Variants in DOK6 observed in about 807,000 individuals in gnomAD.
The protein encoded by DOK6 is downstream of tyrosine kinase 6.
Under a neutral mutation model 44.0 loss-of-function variants are expected in DOK6, and 22 were observed. The ratio of observed to expected loss-of-function variants is 0.50; its 90% confidence interval spans 0.36 to 0.71. The LOEUF (loss-of-function observed/expected upper bound fraction) is 0.71. Among genes scored for constraint, DOK6 ranks in the 30% least tolerant of loss-of-function variants. The pLI is 0.00. For synonymous variants in DOK6, 166 were observed against 145.5 expected (o/e 1.14, Z -1.01); for missense variants, 340 against 416.4 (o/e 0.82, Z 1.60).
intron 1 of DOK6, among the ~76,000 whole-genome samples, chr18:69,445,056 G>A (rs1658173428): frequency 6.6e-6 from 1 of 151,916 alleles, no homozygotes; most frequent in Admixed American, 6.6e-5. Context: ...CATATTCTTG[G>A]TTAAATGTAT....
chr18:69,673,156 A>C (rs1985845174), intron 3 of DOK6, among the ~76,000 whole-genome samples: 1 of 152,134 alleles, frequency 6.6e-6, no homozygotes, highest in Admixed American at 6.5e-5. Context: ...CTTCTAATAA[A>C]ATAACATGAA....
intron 3 of DOK6, among the ~76,000 whole-genome samples, chr18:69,647,246 ATTTT>A: frequency 6.7e-6 from 1 of 149,906 alleles, no homozygotes; most frequent in African/African-American, 2.4e-5. Context: ...TTCTAGTTTC[ATTTT>A]TTTTTCTTAT....
In DOK6 at chr18:69,459,666, C is replaced by G. The variant is rs1263722584; in HGVS notation, c.66+58356C>G. ...CTGTTTCTGTATTTATATTCACCAT[C>G]ACTAAGCTTTCATCACTGTACTCAG... On this transcript the variant is annotated intron_variant, in intron 1 of 7. Transcript: ENST00000382713. 2.0e-5 allele frequency among the ~76,000 whole-genome samples: 3 copies of G among 152,176 alleles called. No homozygotes were observed. In the East Asian group the frequency reaches 5.8e-4, roughly 29 times the overall value.
chr18:69,840,982 C>T (rs1982200267), intron 7 of DOK6, among the ~76,000 whole-genome samples: 1 of 152,180 alleles, frequency 6.6e-6, no homozygotes, highest in African/African-American at 2.4e-5. Flanking sequence ...ACCTAGCTCT[C>T]TGGCATCCAG....
At chr18:69,558,590 G>T (rs1488635604) in intron 1 of DOK6, among the ~76,000 whole-genome samples, 1 of 152,010 alleles carries the variant, frequency 6.6e-6, no homozygotes, top group Admixed American at 6.6e-5. Context: ...TTCATTATTT[G>T]ATGAGATGTT....
rs528284239 is a variant in DOK6 at position 69,843,615 on chromosome 18, G to C, written c.*2232G>C. On this transcript the variant is annotated 3_prime_UTR_variant, in exon 8 of 8. Coordinates refer to ENST00000382713, the MANE Select transcript of DOK6 (RefSeq NM_152721.6). Reference sequence around the variant, plus strand: ...CTGCTAATCAGATGAGTCTGCTCTTGTGTCTCTTTCTTAGGAGACAAATAC... The same window carrying C: ...CTGCTAATCAGATGAGTCTGCTCTTCTGTCTCTTTCTTAGGAGACAAATAC... The C allele has an allele frequency of 6.6e-6, 1 of 152,306 alleles. No homozygotes were observed. The highest frequency in any genetic ancestry group is 2.1e-4 in the South Asian group (1 of 4,824). The allele number at this position is 152,306 out of a possible 1,614,324, so 9.4% of individuals were successfully genotyped here.
chr18:69,773,454 T>C (rs761150630), intron 7 of DOK6, among the ~76,000 whole-genome samples: 16 of 151,964 alleles, frequency 1.1e-4, no homozygotes, highest in African/African-American at 1.4e-4. Flanking sequence ...GTTGATGGAT[T>C]AATGAAGAAG....
chr18:69,734,570 A>G (rs1978539086), intron 5 of DOK6, among the ~76,000 whole-genome samples: 1 of 152,284 alleles, frequency 6.6e-6, no homozygotes, highest in Admixed American at 6.5e-5. Context: ...GAATAGAAAT[A>G]CCACTGGGTT....
At chr18:69,771,892 G>C (rs537021037) in intron 7 of DOK6, among the ~76,000 whole-genome samples, 64 of 147,644 alleles carry the variant, frequency 4.3e-4, no homozygotes, top group African/African-American at 1.5e-3. Flanking sequence ...ATGTTATAAA[G>C]AAAATACATC....
At chr18:69,607,471 A>C (rs1254496791) in intron 3 of DOK6, among the ~76,000 whole-genome samples, 7 of 151,632 alleles carry the variant, frequency 4.6e-5, no homozygotes, top group African/African-American at 1.7e-4. Context: ...AGTCTTATTT[A>C]TAAACAAAAT....
At chr18:69,607,160 A>G (rs1185469307) in intron 3 of DOK6, among the ~76,000 whole-genome samples, 1 of 152,188 alleles carries the variant, frequency 6.6e-6, no homozygotes, top group Non-Finnish European at 1.5e-5. Flanking sequence ...CTTTTTGAAC[A>G]ACCAGCACAT....
At chr18:69,532,431 A>G (rs1982010949) in intron 1 of DOK6, among the ~76,000 whole-genome samples, 1 of 152,242 alleles carries the variant, frequency 6.6e-6, no homozygotes, top group Non-Finnish European at 1.5e-5. Flanking sequence ...GTGAAAGTAG[A>G]AATTTTCCCT....
intron 5 of DOK6, among the ~76,000 whole-genome samples, chr18:69,733,026 A>G (rs117438330): frequency 0.021 from 3,239 of 152,234 alleles, 48 homozygotes; most frequent in Middle Eastern, 0.075. Flanking sequence ...ATGTCTTACC[A>G]TGGTGGAGCA....
At chr18:69,490,499 G>T (rs868050395) in intron 1 of DOK6, among the ~76,000 whole-genome samples, 2 of 152,018 alleles carry the variant, frequency 1.3e-5, no homozygotes, top group African/African-American at 4.8e-5. Flanking sequence ...TTGTAAAATG[G>T]CATGCCTTTT....
At chr18:69,526,161 C>T (rs531191354) in intron 1 of DOK6, among the ~76,000 whole-genome samples, 1 of 152,108 alleles carries the variant, frequency 6.6e-6, no homozygotes, top group African/African-American at 2.4e-5. Context: ...ATTGTGCACC[C>T]ATCACTACAA....
At position 69,734,393 on chromosome 18, in the gene DOK6, CAAAAAA is replaced by C. The variant is rs60831756; in HGVS notation, c.600-4554_600-4549del. ...AGAGTAACCAATCTTTTCATAGCAG[CAAAAAA>C]AAAAAAAAAAAAAAAAAGGAAAATT... On this transcript the variant is annotated intron_variant, in intron 5 of 7. Coordinates refer to ENST00000382713, the MANE Select transcript of DOK6 (RefSeq NM_152721.6). Among the ~76,000 whole-genome samples the C allele has an allele frequency of 2.0e-3, 98 of 48,516 alleles. No individual in the cohort carries two copies. In the South Asian group the frequency reaches 0.066, roughly 33 times the overall value. The allele number at this position is 48,516 out of a possible 152,430, so 31.8% of individuals were successfully genotyped here.
chr18:69,414,705 A>G (rs925993141), intron 1 of DOK6, among the ~76,000 whole-genome samples: 1 of 151,940 alleles, frequency 6.6e-6, no homozygotes, highest in Non-Finnish European at 1.5e-5. Flanking sequence ...TGAGATGGTA[A>G]TTTTACAAGA....
intron 7 of DOK6, among the ~76,000 whole-genome samples, chr18:69,793,619 G>C (rs749205911): frequency 9.2e-5 from 14 of 152,080 alleles, no homozygotes; most frequent in Non-Finnish European, 1.6e-4. Flanking sequence ...TGAGGAAAGG[G>C]TTCAATGTAA....
intron 3 of DOK6, among the ~76,000 whole-genome samples, chr18:69,617,510 GAAAGAAA>G (rs1984321521): frequency 8.8e-5 from 2 of 22,612 alleles, no homozygotes; most frequent in East Asian, 1.1e-3. Flanking sequence ...GAAAGAGAAA[GAAAGAAA>G]AGAAAGAAAG....
Sources: gnomAD v4.1 joint callset for allele counts (sites outside exome capture counted in the v4.1 genomes callset) on GRCh38, gnomAD v4.1.1 for gene constraint, MANE v1.5 for transcripts, NCBI Gene and HGNC (gene_info 2026-07-23, HGNC 2026-07-21) for gene names.